Variants in PIGN observed in about 807,000 individuals in gnomAD.
PIGN encodes GPI ethanolamine phosphate transferase 1.
A neutral mutation model predicts 125.4 loss-of-function variants in PIGN; 117 were observed. The observed-to-expected ratio is 0.93, with a 90% CI of 0.80 to 1.09. PIGN has a LOEUF of 1.09. Ranked by LOEUF, PIGN falls within the 50% of genes least tolerant of loss-of-function variation. The pLI, the probability that PIGN is intolerant of heterozygous loss-of-function variation, is 0.00. For synonymous variants in PIGN, 392 were observed against 377.8 expected, an observed-to-expected ratio of 1.04 and a Z score of -0.44; for missense variants, 1,075 against 1,094.9, an observed-to-expected ratio of 0.98 and a Z score of 0.26.
At chr18:62,158,357 G>T (rs17715928) in intron 4 of PIGN, among the ~76,000 whole-genome samples, 25,015 of 152,148 alleles carry the variant, frequency 0.16, 2,750 homozygotes, top group Middle Eastern at 0.29. Flanking sequence ...TAGGTAAAGG[G>T]TATACAGATG....
chr18:62,147,222 T>C, intron 8 of PIGN, 121 bp from the exon 9 acceptor site: 2 of 1,253,956 alleles, frequency 1.6e-6, no homozygotes, highest in Non-Finnish European at 2.1e-6. Flanking sequence ...TCATCTTTAA[T>C]ATTTTAAAAT....
chr18:62,110,840 TAA>T (rs961957423), intron 16 of PIGN, among the ~76,000 whole-genome samples: 26 of 147,738 alleles, frequency 1.8e-4, no homozygotes, highest in Non-Finnish European at 8.9e-5. Context: ...TAAAGCATAA[TAA>T]AAAATATATA....
chr18:62,046,127 G>A, intron 30 of PIGN, 148 bp from the exon 31 acceptor site: 1 of 767,950 alleles, frequency 1.3e-6, no homozygotes, highest in Non-Finnish European at 2.1e-6. Context: ...CTCCTGCTAA[G>A]TACAGCTGTC....
intron 20 of PIGN, chr18:62,104,904 A>G (rs2034578839): frequency 6.6e-6 from 1 of 152,192 alleles, no homozygotes; most frequent in Non-Finnish European, 1.5e-5. Context: ...AATTTACTTG[A>G]CAATAAAGTG....
At position 62,102,875 on chromosome 18, in the gene PIGN, CAGA is replaced by C; in HGVS notation, c.1884_1886del (p.Leu630del). 1 of 1,584,120 alleles carries C rather than the reference CAGA, an allele frequency of 6.3e-7. No homozygotes were observed. Among genetic ancestry groups the C allele is most frequent in the Non-Finnish European group, 8.6e-7 (1 of 1,164,174 alleles). On this transcript the variant is annotated inframe_deletion, in exon 21 of 31. Coordinates refer to ENST00000640252, the MANE Select transcript of PIGN (RefSeq NM_176787.5). ...GAGATGTTACAACACACAGGGATAA[CAGA>C]AGAACCAGCAAGCCTGCACCCATCC...
At position 62,154,528 on chromosome 18, in the gene PIGN, C is replaced by T. The variant is rs1331578854; in HGVS notation, c.549+17G>A. 5.2e-6 allele frequency: 6 copies of T among 1,145,576 alleles called. No homozygotes were observed. The highest frequency in any genetic ancestry group is 7.9e-6 in the Non-Finnish European group (6 of 759,656). The allele number at this position is 1,145,576 out of a possible 1,614,324, so 71.0% of individuals were successfully genotyped here. ...AAAAATATGCTTTTTGTATATTAACCACTCAATAGCACAAACCTTAACATT... is the reference window on the plus strand; with the variant it reads ...AAAAATATGCTTTTTGTATATTAACTACTCAATAGCACAAACCTTAACATT... On this transcript the variant is annotated intron_variant, in intron 7 of 30. Transcript: ENST00000640252.
In PIGN at chr18:62,041,640, G is replaced by GGTGTGTGGGT. The variant is rs2030377989; in HGVS notation, c.*4215_*4216insACCCACACAC. The GGTGTGTGGGT allele has an allele frequency of 1.3e-5, 1 of 77,470 alleles. No individual in the cohort carries two copies. The highest frequency in any genetic ancestry group is 5.4e-5 in the African/African-American group (1 of 18,430). The allele number at this position is 77,470 out of a possible 1,614,324, so 4.8% of individuals were successfully genotyped here. On this transcript the variant is annotated 3_prime_UTR_variant, in exon 31 of 31. Coordinates refer to ENST00000640252, the MANE Select transcript of PIGN (RefSeq NM_176787.5). ...ATTACAGGAGCCTACCACCCCGCCGGGTGTGTGTGTGTGTGTGTGTGTGTG... is the reference window on the plus strand; with the variant it reads ...ATTACAGGAGCCTACCACCCCGCCGGGTGTGTGGGTGTGTGTGTGTGTGTGTGTGTGTGTG...
chr18:62,096,359 G>A (rs889315868), intron 22 of PIGN, among the ~76,000 whole-genome samples: 1 of 151,298 alleles, frequency 6.6e-6, no homozygotes, highest in Admixed American at 6.6e-5. Context: ...TTATTGTTTT[G>A]TGACCTTGAA....
At chr18:62,139,739 A>C (rs2036068344) in intron 12 of PIGN, among the ~76,000 whole-genome samples, 1 of 152,208 alleles carries the variant, frequency 6.6e-6, no homozygotes, top group Non-Finnish European at 1.5e-5. Flanking sequence ...CCCAGGCTAG[A>C]CCATCTGGAA....
At chr18:62,169,260 T>C (rs765752120) in intron 1 of PIGN, among the ~76,000 whole-genome samples, 8 of 148,566 alleles carry the variant, frequency 5.4e-5, no homozygotes, top group Non-Finnish European at 1.1e-4. Flanking sequence ...TGAGCATAAA[T>C]ACTTTTAGAA....
rs1356471998 is a variant in PIGN, at chr18:62,043,168, A to G, written c.*2688T>C. On this transcript the variant is annotated 3_prime_UTR_variant, in exon 31 of 31. Transcript: ENST00000640252. ...CTGAAGGGGGTCTTCTCCAAATGAC[A>G]GAGTTGATTAGCTCCATTCTCTTCA... The G allele has an allele frequency of 6.6e-6, 1 of 152,208 alleles. No homozygotes were observed. The highest frequency in any genetic ancestry group is 1.5e-5 in the Non-Finnish European group (1 of 68,040). 9.4% of individuals were successfully genotyped at this position (152,208 alleles called of 1,614,324 possible).
intron 16 of PIGN, among the ~76,000 whole-genome samples, chr18:62,112,396 T>C (rs1599549020): frequency 1.3e-5 from 2 of 152,122 alleles, no homozygotes; most frequent in East Asian, 3.8e-4. Flanking sequence ...GTAATAATCA[T>C]TAAAGAGAAT....
chr18:62,152,736 T>C (rs2036580908), intron 7 of PIGN, among the ~76,000 whole-genome samples: 1 of 152,130 alleles, frequency 6.6e-6, no homozygotes, highest in South Asian at 2.1e-4. Context: ...TTATACTAAA[T>C]ATGTATTGCT....
At chr18:62,148,481 A>G (rs910749764) in intron 7 of PIGN, 143 bp from the exon 8 acceptor site, 8 of 489,914 alleles carry the variant, frequency 1.6e-5, no homozygotes, top group Non-Finnish European at 2.8e-5. Flanking sequence ...ACCTACCAAC[A>G]CAACGTCTTT....
In PIGN at chr18:62,043,458, T is replaced by C. The variant is rs1482538063; in HGVS notation, c.*2398A>G. ...GGAGGATTGACACTGATGTTCTTAA[T>C]ATCTGAGTTGGCTGAAATTTGTAAT... On this transcript the variant is annotated 3_prime_UTR_variant, in exon 31 of 31. Coordinates refer to ENST00000640252, the MANE Select transcript of PIGN (RefSeq NM_176787.5). 1.3e-5 allele frequency: 2 copies of C among 152,200 alleles called. No individual in the cohort carries two copies. The highest frequency in any genetic ancestry group is 2.4e-5 in the African/African-American group (1 of 41,444). 9.4% of individuals were successfully genotyped at this position (152,200 alleles called of 1,614,324 possible).
At chr18:62,051,836 T>C (rs1270943714) in intron 30 of PIGN, 2 of 152,168 alleles carry the variant, frequency 1.3e-5, no homozygotes, top group African/African-American at 4.8e-5. Context: ...CTTGTGGGCA[T>C]TTAGTGCTAT....
At chr18:62,061,441 C>T (rs78575255) in intron 30 of PIGN, among the ~76,000 whole-genome samples, 909 of 70,056 alleles carry the variant, frequency 0.013, 7 homozygotes, top group African/African-American at 0.037. Flanking sequence ...AATAAAGGAG[C>T]TTGCAGTGAG....
chr18:62,109,097 A>T (rs548250347), intron 17 of PIGN, among the ~76,000 whole-genome samples: 1 of 152,282 alleles, frequency 6.6e-6, no homozygotes, highest in East Asian at 1.9e-4. Flanking sequence ...ATCCATGACT[A>T]AGTTTAAATT....
intron 30 of PIGN, chr18:62,051,728 T>C (rs2031311183): frequency 6.7e-6 from 1 of 150,298 alleles, no homozygotes; most frequent in African/African-American, 2.5e-5. Flanking sequence ...TTTAGTTATT[T>C]CTTGCCTTCT....
Sources: allele counts gnomAD v4.1 joint callset (sites outside exome capture counted in the v4.1 genomes callset), GRCh38; gene constraint gnomAD v4.1.1; transcripts MANE v1.5; gene names NCBI Gene and HGNC (gene_info 2026-07-23, HGNC 2026-07-21).